UNC79: variants seen among roughly 807,000 people sequenced by gnomAD.
The protein encoded by UNC79 is protein unc-79 homolog.
A neutral mutation model predicts 283.1 loss-of-function variants in UNC79; 37 were observed. The observed-to-expected ratio is 0.13, with a 90% CI of 0.10 to 0.17. The LOEUF (loss-of-function observed/expected upper bound fraction) is 0.17, where lower values mean the gene tolerates loss of function less well. UNC79 is among the 10% of genes least tolerant of loss of function. The pLI, the probability that UNC79 is intolerant of heterozygous loss-of-function variation, is 1.00. For synonymous variants in UNC79, 1,107 were observed against 1,200.2 expected (o/e 0.92, Z 1.61); for missense variants, 2,272 against 3,211.1 (o/e 0.71, Z 7.07).
intron 14 of UNC79, among the ~76,000 whole-genome samples, chr14:93,549,010 C>T (rs1475770882): frequency 6.6e-6 from 1 of 152,046 alleles, no homozygotes; most frequent in Non-Finnish European, 1.5e-5. Context: ...GTATGATTCC[C>T]CAATGTGGCA....
intron 1 of UNC79, among the ~76,000 whole-genome samples, chr14:93,375,251 T>C (rs1197137765): frequency 4.6e-5 from 7 of 152,064 alleles, no homozygotes; most frequent in African/African-American, 1.7e-4. Flanking sequence ...GTCATGGTGG[T>C]GGTGCCTGTA....
chr14:93,406,407 A>AC (rs1315533833), intron 1 of UNC79, among the ~76,000 whole-genome samples: 4 of 152,040 alleles, frequency 2.6e-5, no homozygotes, highest in Non-Finnish European at 5.9e-5. Flanking sequence ...ACATAGTGAG[A>AC]CCCCATATCT....
rs1197597651 is a variant in UNC79, at chr14:93,349,475, A to G, written c.-351+15952A>G. Among the ~76,000 whole-genome samples the G allele has an allele frequency of 2.0e-5, 3 of 152,198 alleles. No individual in the cohort carries two copies. The East Asian group carries it at 5.8e-4, about 29-fold the overall frequency. On this transcript the variant is annotated intron_variant, in intron 1 of 49. Coordinates refer to the UNC79 transcript ENST00000256339. ...TACTATGGGGTTACAATCTTCCTGG[A>G]TGTTGCCTAAGTTTCATTATCCCCC...
At chr14:93,494,494 C>G (rs1463143593) in intron 5 of UNC79, among the ~76,000 whole-genome samples, 1 of 152,134 alleles carries the variant, frequency 6.6e-6, no homozygotes, top group Non-Finnish European at 1.5e-5. Context: ...CTTTGAGACA[C>G]CTAATAGGAG....
chr14:93,602,548 T>C (rs779857160), intron 25 of UNC79, among the ~76,000 whole-genome samples: 3 of 152,340 alleles, frequency 2.0e-5, no homozygotes, highest in South Asian at 4.1e-4. Flanking sequence ...TGCCTCCAGA[T>C]GCATTCTTTT....
chr14:93,427,533 A>G (rs2055758620), upstream of UNC79, among the ~76,000 whole-genome samples: 1 of 152,144 alleles, frequency 6.6e-6, no homozygotes, highest in Admixed American at 6.5e-5. Flanking sequence ...CAAACCCTTC[A>G]ATACAAACTT....
chr14:93,457,944 A>G (rs1436100195), intron 1 of UNC79, among the ~76,000 whole-genome samples: 1 of 152,240 alleles, frequency 6.6e-6, no homozygotes, highest in Non-Finnish European at 1.5e-5. Context: ...GTGGCAGGTA[A>G]TTGAGGAGGA....
intron 37 of UNC79, 41 bp from the exon 41 acceptor site, chr14:93,655,193 G>A: frequency 6.2e-7 from 1 of 1,603,512 alleles, no homozygotes; most frequent in Non-Finnish European, 8.5e-7. Flanking sequence ...GCATTCCCGT[G>A]CTGTTTCAGC....
chr14:93,697,927 A>G (rs556607791), intron 47 of UNC79, among the ~76,000 whole-genome samples: 3 of 152,232 alleles, frequency 2.0e-5, no homozygotes, highest in African/African-American at 7.2e-5. Flanking sequence ...ACAATTTGGC[A>G]TGTTGTGTTC....
intron 7 of UNC79, among the ~76,000 whole-genome samples, chr14:93,507,979 G>C (rs1486180923): frequency 2.0e-5 from 3 of 151,814 alleles, no homozygotes; most frequent in African/African-American, 7.3e-5. Flanking sequence ...TTGGCCCCTT[G>C]GTCATATTTT....
intron 31 of UNC79, among the ~76,000 whole-genome samples, chr14:93,635,412 G>T (rs2068426280): frequency 6.6e-6 from 1 of 152,078 alleles, no homozygotes; most frequent in African/African-American, 2.4e-5. Context: ...AAATGTAAGG[G>T]CTTATTATGG....
At chr14:93,399,928 A>G (rs2055072745) in intron 1 of UNC79, among the ~76,000 whole-genome samples, 1 of 152,302 alleles carries the variant, frequency 6.6e-6, no homozygotes, top group East Asian at 1.9e-4. Flanking sequence ...CACAGGATTA[A>G]TGGGACCCAT....
chr14:93,395,131 A>C (rs767654019), intron 1 of UNC79, among the ~76,000 whole-genome samples: 3 of 152,080 alleles, frequency 2.0e-5, no homozygotes, highest in Admixed American at 6.6e-5. Context: ...TGTCGATTTC[A>C]GTTACTCTCT....
chr14:93,608,249 G>A (rs1003156206), intron 26 of UNC79, among the ~76,000 whole-genome samples: 1 of 152,140 alleles, frequency 6.6e-6, no homozygotes, highest in Admixed American at 6.5e-5. Flanking sequence ...ACTTGCTTAC[G>A]GCCAAGTAAG....
chr14:93,582,178 T>C (rs778965023), intron 19 of UNC79, 25 bp from the exon 20 acceptor site: 1 of 1,614,076 alleles, frequency 6.2e-7, no homozygotes, highest in South Asian at 1.1e-5. Flanking sequence ...GCTGCTTACC[T>C]GGCTGCCTGT....
intron 35 of UNC79, among the ~76,000 whole-genome samples, chr14:93,651,071 G>A (rs1419004273): frequency 1.3e-5 from 2 of 152,122 alleles, no homozygotes; most frequent in African/African-American, 2.4e-5. Flanking sequence ...TGTGGTGCCT[G>A]TTAAGCTTAG....
At chr14:93,638,998 G>A (rs752781552) in intron 32 of UNC79, among the ~76,000 whole-genome samples, 16 of 152,170 alleles carry the variant, frequency 1.1e-4, no homozygotes, top group East Asian at 3.9e-4. Context: ...CATACATTCC[G>A]TGCTGTCATA....
rs79995420 is a variant in UNC79 at position 93,688,295 on chromosome 14, G to A, written c.6910-370G>A. On this transcript the variant is annotated intron_variant, in intron 43 of 48. Transcript: ENST00000555664. This position sits in a 1 kb window ranked among gnomAD's most constrained non-coding sequence, Gnocchi z 4.0. ...AGAAGGCAGCACGGACCTGGCCGGG[G>A]AGGTCAGGGAAGGCTTCCCAGAGGA... 0.012 allele frequency among the ~76,000 whole-genome samples: 1,838 copies of A among 152,304 alleles called. 34 individuals carry two copies. The highest frequency in any genetic ancestry group is 0.042 in the African/African-American group (1,741 of 41,582).
At chr14:93,527,223 C>T (rs759869433) in intron 8 of UNC79, among the ~76,000 whole-genome samples, 4 of 152,186 alleles carry the variant, frequency 2.6e-5, no homozygotes, top group Non-Finnish European at 5.9e-5. Flanking sequence ...CAAACTATGG[C>T]CCAGAGCCAA....
Sources: gnomAD v4.1 joint callset for allele counts (sites outside exome capture counted in the v4.1 genomes callset) on GRCh38, gnomAD v4.1.1 for gene constraint, Gnocchi (gnomAD v3.1) non-coding constraint, MANE v1.5 for transcripts, NCBI Gene and HGNC (gene_info 2026-07-23, HGNC 2026-07-21) for gene names.